The following UCN3 variants were observed in gnomAD, a reference collection of about 807,000 sequenced individuals.
The protein encoded by UCN3 is urocortin-3.
In UCN3, 3 loss-of-function variants were observed where a neutral mutation model predicts 3.6. The ratio of observed to expected loss-of-function variants is 0.83; its 90% confidence interval spans 0.38 to 2.15. UCN3 has a LOEUF of 2.15. Ranked by LOEUF, UCN3 falls within the 30% of genes most tolerant of loss-of-function variation. The pLI is 0.06. For missense variants in UCN3, 206 were observed against 208.3 expected, an observed-to-expected ratio of 0.99 and a Z score of 0.07; for synonymous variants, 100 against 93.2, an observed-to-expected ratio of 1.07 and a Z score of -0.42.
chr10:5,373,319 C>A (rs1831455254), intron 1 of UCN3, among the ~76,000 whole-genome samples: 1 of 152,180 alleles, frequency 6.6e-6, no homozygotes, highest in South Asian at 2.1e-4. Context: ...CCATTAAAAT[C>A]AACTATGGTA....
chr10:5,370,489 ATG>A (rs782041854), intron 1 of UCN3, among the ~76,000 whole-genome samples: 784 of 58,178 alleles, frequency 0.013, 89 homozygotes, highest in Admixed American at 0.053. Flanking sequence ...ATATGTGTGT[ATG>A]TGTGTGTATA....
rs1445008537 is a variant in UCN3, at chr10:5,365,411, CA to C, written c.-7+182del. ...CAGCAGAAATCAGCCCCAAAGGGAC[CA>C]GGGGAAGTTTCTCAGGGAGGCACAA... is the stretch of plus-strand genomic sequence containing the variant. On this transcript the variant is annotated intron_variant, in intron 1 of 1. Coordinates refer to ENST00000380433, the MANE Select transcript of UCN3 (RefSeq NM_053049.4). The surrounding 1 kb of genome is among the most constrained non-coding windows in gnomAD (Gnocchi z 4.4). 1.3e-5 allele frequency among the ~76,000 whole-genome samples: 2 copies of C among 152,222 alleles called. No homozygotes were observed. Among genetic ancestry groups the C allele is most frequent in the Non-Finnish European group, 2.9e-5 (2 of 68,044 alleles).
chr10:5,366,364 T>C lies in UCN3; in HGVS notation c.-7+1134T>C, dbSNP rs372152265. Among the ~76,000 whole-genome samples the C allele has an allele frequency of 5.9e-5, 9 of 152,300 alleles. 1 individual carries two copies. The highest frequency in any genetic ancestry group is 3.9e-4 in the East Asian group (2 of 5,188). On this transcript the variant is annotated intron_variant, in intron 1 of 1. Transcript: ENST00000380433. The surrounding 1 kb of genome is among the most constrained non-coding windows in gnomAD (Gnocchi z 4.2). ...GGTGTAGAGCTTTGCCCCTCAAATG[T>C]ATTAATAACTAGATGGTGCCCAGTT...
intron 1 of UCN3, among the ~76,000 whole-genome samples, chr10:5,371,163 G>A (rs1266792054): frequency 6.6e-6 from 1 of 151,316 alleles, no homozygotes; most frequent in Non-Finnish European, 1.5e-5. Flanking sequence ...ATATGTGTGT[G>A]CATGTGTATG....
In UCN3 at chr10:5,365,966, G is replaced by A. The variant is rs781897651; in HGVS notation, c.-7+736G>A. On this transcript the variant is annotated intron_variant, in intron 1 of 1. Coordinates refer to ENST00000380433, the MANE Select transcript of UCN3 (RefSeq NM_053049.4). This position sits in a 1 kb window ranked among gnomAD's most constrained non-coding sequence, Gnocchi z 4.4. ...TTATGTTTTCTGAAAATTCCTGTTC[G>A]CAATTTCTTTCCCAAGCATAGCCAC... 2.0e-5 allele frequency among the ~76,000 whole-genome samples: 3 copies of A among 152,154 alleles called. No individual in the cohort carries two copies. Among genetic ancestry groups the A allele is most frequent in the Non-Finnish European group, 2.9e-5 (2 of 68,022 alleles).
chr10:5,373,585 G>T lies in UCN3; in HGVS notation c.-6-130G>T, dbSNP rs1160146845. ...AGTCCCAGCCCGGGCTGATGCTGCTGGTCTGGGGGTCATACTTGGAGAACC... is the reference window on the plus strand; with the variant it reads ...AGTCCCAGCCCGGGCTGATGCTGCTTGTCTGGGGGTCATACTTGGAGAACC... On this transcript the variant is annotated intron_variant, in intron 1 of 1. Coordinates refer to ENST00000380433, the MANE Select transcript of UCN3 (RefSeq NM_053049.4). 4 of 1,416,990 alleles carry T rather than the reference G, an allele frequency of 2.8e-6. No individual in the cohort carries two copies. In the African/African-American group the frequency reaches 5.7e-5, roughly 20 times the overall value. 87.8% of individuals were successfully genotyped at this position (1,416,990 alleles called of 1,614,324 possible). A position where few individuals can be genotyped will look rare whatever the true frequency, so the allele number is the denominator to read the frequency against.
At chr10:5,372,372 C>T (rs1223038384) in intron 1 of UCN3, among the ~76,000 whole-genome samples, 1 of 152,176 alleles carries the variant, frequency 6.6e-6, no homozygotes, top group African/African-American at 2.4e-5. Flanking sequence ...GTGCAGGTGG[C>T]TCAGCACAAG....
chr10:5,374,221 C>A lies in UCN3; in HGVS notation c.*15C>A, dbSNP rs782559053. On this transcript the variant is annotated 3_prime_UTR_variant, in exon 2 of 2. Transcript: ENST00000380433. ...GGAAGAAGTAGAGGCGGAGGCTGGACGGGAGGGCAGCGGGGTGGGGAGGGG... is the reference window on the plus strand; with the variant it reads ...GGAAGAAGTAGAGGCGGAGGCTGGAAGGGAGGGCAGCGGGGTGGGGAGGGG... The A allele has an allele frequency of 6.8e-6, 7 of 1,026,620 alleles. No homozygotes were observed. Among genetic ancestry groups the A allele is most frequent in the South Asian group, 2.8e-5 (1 of 35,778 alleles). The allele number at this position is 1,026,620 out of a possible 1,614,324, so 63.6% of individuals were successfully genotyped here. A position where few individuals can be genotyped will look rare whatever the true frequency, so the allele number is the denominator to read the frequency against.
intron 1 of UCN3, among the ~76,000 whole-genome samples, chr10:5,370,366 C>CGTGTATAT (rs1831358618): frequency 1.5e-4 from 1 of 6,896 alleles, no homozygotes; most frequent in Non-Finnish European, 2.6e-4. Flanking sequence ...TGTGTATATG[C>CGTGTATAT]GTGTGTATAT....
Position 5,374,331 on chromosome 10 carries a change from T to A in UCN3, c.*125T>A. 1 of 950,148 alleles carries A rather than the reference T, an allele frequency of 1.1e-6. No individual in the cohort carries two copies. Among genetic ancestry groups the A allele is most frequent in the East Asian group, 2.7e-5 (1 of 37,556 alleles). 58.9% of individuals were successfully genotyped at this position (950,148 alleles called of 1,614,324 possible). A position where few individuals can be genotyped will look rare whatever the true frequency, so the allele number is the denominator to read the frequency against. ...TTTGTGTTTTGTGGGATCAGTCAGT[T>A]TTACAGGTTGCTGCACTGCTGAGCC... On this transcript the variant is annotated 3_prime_UTR_variant, in exon 2 of 2. Transcript: ENST00000380433.
chr10:5,369,913 ATATGTGTGTG>A (rs1564442062), intron 1 of UCN3, among the ~76,000 whole-genome samples: 2 of 99,702 alleles, frequency 2.0e-5, no homozygotes, highest in Non-Finnish European at 3.9e-5. Context: ...GTGTGTGTGT[ATATGTGTGTG>A]TATGTGTGTG....
At position 5,374,063 on chromosome 10, in the gene UCN3, C is replaced by A; in HGVS notation, c.343C>A (p.Pro115Thr). 1 of 1,613,562 alleles carries A rather than the reference C, an allele frequency of 6.2e-7. No homozygotes were observed. Among genetic ancestry groups the A allele is most frequent in the South Asian group, 1.1e-5 (1 of 90,992 alleles). The change falls in exon 2 of 2, where the codon CCC becomes ACC. Residue 115 changes from proline to threonine, a missense_variant. Coordinates refer to ENST00000380433, the MANE Select transcript of UCN3 (RefSeq NM_053049.4). ...GCCACGCCAGGACACGGCCAAGAGT[C>A]CCCACCGCACCAAGTTCACCCTGTC... ...GKPRQDTAKS[P>T]HRTKFTLSLD...
At chr10:5,372,461 G>A (rs1169902368) in intron 1 of UCN3, among the ~76,000 whole-genome samples, 12 of 152,326 alleles carry the variant, frequency 7.9e-5, no homozygotes, top group Non-Finnish European at 1.5e-5. Context: ...AGTCTATGAC[G>A]CTTAAAGCCT....
In UCN3 at chr10:5,366,941, A is replaced by G. The variant is rs1588397794; in HGVS notation, c.-7+1711A>G. ...CCCTGACACTTTCACAGATTTTTCC[A>G]CACCTTCAGCACCCTAGCCGTGATT... is the stretch of plus-strand genomic sequence containing the variant. On this transcript the variant is annotated intron_variant, in intron 1 of 1. Coordinates refer to ENST00000380433, the MANE Select transcript of UCN3 (RefSeq NM_053049.4). The surrounding 1 kb of genome is among the most constrained non-coding windows in gnomAD (Gnocchi z 4.2). Among the ~76,000 whole-genome samples the G allele has an allele frequency of 6.6e-6, 1 of 152,198 alleles. No individual in the cohort carries two copies.
intron 1 of UCN3, among the ~76,000 whole-genome samples, chr10:5,370,812 T>TGTGTGC (rs1831398721): frequency 8.6e-6 from 1 of 116,334 alleles, no homozygotes; most frequent in Non-Finnish European, 1.8e-5. Context: ...TATGTGTGTG[T>TGTGTGC]GCGTGTGTGT....
chr10:5,368,023 AG>A, intron 1 of UCN3, among the ~76,000 whole-genome samples: 1 of 152,186 alleles, frequency 6.6e-6, no homozygotes, highest in East Asian at 1.9e-4. Context: ...TATTTTTTTG[AG>A]ACAGAGTCTC....
At chr10:5,373,052 G>C (rs963615068) in intron 1 of UCN3, among the ~76,000 whole-genome samples, 1 of 152,064 alleles carries the variant, frequency 6.6e-6, no homozygotes, top group Non-Finnish European at 1.5e-5. Context: ...GAGGACGTTG[G>C]TGCTCCCTGG....
intron 1 of UCN3, among the ~76,000 whole-genome samples, chr10:5,370,859 G>GTGTGTATATGTGTGTATATGTGTGTATA (rs1554811424): frequency 1.8e-5 from 2 of 113,580 alleles, no homozygotes; most frequent in South Asian, 3.6e-4. Context: ...GCGCGTGTGT[G>GTGTGTATATGTGTGTATATGTGTGTATA]TGCGTGTGTA....
At position 5,374,459 on chromosome 10, in the gene UCN3, T is replaced by G; in HGVS notation, c.*253T>G. ...CTTCCCAGACACAAAGCAGCTAACGTTCCTCCCTGTACTCAGCGTCTCCTT... is the reference window on the plus strand; with the variant it reads ...CTTCCCAGACACAAAGCAGCTAACGGTCCTCCCTGTACTCAGCGTCTCCTT... On this transcript the variant is annotated 3_prime_UTR_variant, in exon 2 of 2. Transcript: ENST00000380433. 139 of 431,326 alleles carry G rather than the reference T, an allele frequency of 3.2e-4. No homozygotes were observed. The highest frequency in any genetic ancestry group is 5.4e-4 in the East Asian group (11 of 20,490). The allele number at this position is 431,326 out of a possible 1,614,324, so 26.7% of individuals were successfully genotyped here. A position where few individuals can be genotyped will look rare whatever the true frequency, so the allele number is the denominator to read the frequency against.
Sources: gnomAD v4.1 joint callset for allele counts (sites outside exome capture counted in the v4.1 genomes callset) on GRCh38, gnomAD v4.1.1 for gene constraint, Gnocchi (gnomAD v3.1) non-coding constraint, MANE v1.5 for transcripts, NCBI Gene and HGNC (gene_info 2026-07-23, HGNC 2026-07-21) for gene names.